ARB2A: variants seen among roughly 807,000 people sequenced by gnomAD.
ARB2A encodes the protein ARB2 cotranscriptional regulator A.
chr5:94,056,664 T>G, the ARB2A span, among the ~76,000 whole-genome samples: 1 of 152,140 alleles, frequency 6.6e-6, no homozygotes, highest in African/African-American at 2.4e-5. Flanking sequence ...ATAAAACAAC[T>G]GTATAAAAAT....
the ARB2A span, among the ~76,000 whole-genome samples, chr5:93,950,363 T>C: frequency 4.6e-5 from 7 of 152,192 alleles, no homozygotes; most frequent in African/African-American, 1.7e-4. Context: ...TTTCTCCACA[T>C]CCTCACCAGC....
At chr5:93,623,473 C>T in the ARB2A span, among the ~76,000 whole-genome samples, 2 of 152,272 alleles carry the variant, frequency 1.3e-5, no homozygotes, top group South Asian at 2.1e-4. Flanking sequence ...AAGGAGTCAA[C>T]GGTCTGAAGC....
chr5:93,721,817 T>C, the ARB2A span, among the ~76,000 whole-genome samples: 29 of 152,228 alleles, frequency 1.9e-4, no homozygotes, highest in African/African-American at 5.1e-4. Context: ...CCACAATAAA[T>C]AGATAATATG....
At chr5:93,724,177 C>A in the ARB2A span, among the ~76,000 whole-genome samples, 1 of 151,142 alleles carries the variant, frequency 6.6e-6, no homozygotes, top group African/African-American at 2.4e-5. Context: ...GAGTTGTTAA[C>A]CTAAGGGTGC....
At chr5:93,838,025 C>T in the ARB2A span, among the ~76,000 whole-genome samples, 18 of 152,210 alleles carry the variant, frequency 1.2e-4, no homozygotes, top group Non-Finnish European at 1.9e-4. Context: ...TCCCACTTGT[C>T]AATTTTTGCT....
At chr5:93,846,054 G>C in the ARB2A span, among the ~76,000 whole-genome samples, 1 of 151,190 alleles carries the variant, frequency 6.6e-6, no homozygotes, top group Admixed American at 6.6e-5. Context: ...CAACCAGACA[G>C]TGCTACTTAA....
chr5:93,997,764 T>G, the ARB2A span, among the ~76,000 whole-genome samples: 1 of 152,028 alleles, frequency 6.6e-6, no homozygotes, highest in African/African-American at 2.4e-5. Flanking sequence ...CTTTCTGCAC[T>G]GTAAACATCT....
At chr5:94,046,382 G>C in the ARB2A span, among the ~76,000 whole-genome samples, 1 of 151,794 alleles carries the variant, frequency 6.6e-6, no homozygotes, top group Admixed American at 6.6e-5. Context: ...AGAGTTGACA[G>C]TAGATTTGCA....
the ARB2A span, among the ~76,000 whole-genome samples, chr5:93,719,337 G>A: frequency 1.3e-5 from 2 of 152,022 alleles, no homozygotes; most frequent in African/African-American, 2.4e-5. Flanking sequence ...TCTTAGAGCT[G>A]GAAAGTATAG....
the ARB2A span, among the ~76,000 whole-genome samples, chr5:94,091,046 T>C: frequency 7.2e-5 from 11 of 152,254 alleles, no homozygotes; most frequent in South Asian, 2.1e-4. Flanking sequence ...TTATTAAGGG[T>C]TGACCTGACT....
the ARB2A span, among the ~76,000 whole-genome samples, chr5:93,881,970 T>C: frequency 6.6e-6 from 1 of 151,290 alleles, no homozygotes; most frequent in African/African-American, 2.4e-5. Context: ...AATTCAGATA[T>C]CTCAGAACCC....
chr5:93,767,095 C>T, the ARB2A span, among the ~76,000 whole-genome samples: 4 of 151,806 alleles, frequency 2.6e-5, no homozygotes, highest in Admixed American at 1.3e-4. Context: ...TGTTAAATGA[C>T]GAGTTACTGG....
chr5:93,994,209 G>A, the ARB2A span, among the ~76,000 whole-genome samples: 1 of 152,164 alleles, frequency 6.6e-6, no homozygotes, highest in Non-Finnish European at 1.5e-5. Flanking sequence ...AGAGACATCT[G>A]CACTCCCATG....
chr5:93,803,626 T>C, the ARB2A span, among the ~76,000 whole-genome samples: 1 of 151,554 alleles, frequency 6.6e-6, no homozygotes, highest in African/African-American at 2.4e-5. Context: ...GCTTAAGACC[T>C]TGTGATGAAA....
At chr5:93,916,223 T>C in the ARB2A span, among the ~76,000 whole-genome samples, 2 of 152,094 alleles carry the variant, frequency 1.3e-5, no homozygotes, top group Non-Finnish European at 2.9e-5. Context: ...TGATAGCACA[T>C]AAGCATGAAA....
At chr5:93,665,854 C>A in the ARB2A span, among the ~76,000 whole-genome samples, 1 of 152,122 alleles carries the variant, frequency 6.6e-6, no homozygotes, top group Non-Finnish European at 1.5e-5. Flanking sequence ...CAAATAAAGG[C>A]CAAATGATAA....
chr5:93,633,214 C>A, the ARB2A span, among the ~76,000 whole-genome samples: 1 of 152,290 alleles, frequency 6.6e-6, no homozygotes, highest in Non-Finnish European at 1.5e-5. Context: ...TTCTTCCTTT[C>A]CATTCCCTCT....
At chr5:93,996,888 A>C in the ARB2A span, among the ~76,000 whole-genome samples, 1 of 152,060 alleles carries the variant, frequency 6.6e-6, no homozygotes, top group East Asian at 1.9e-4. Flanking sequence ...CCATTGCTTA[A>C]TGTGAAGTGT....
the ARB2A span, among the ~76,000 whole-genome samples, chr5:93,806,791 T>C: frequency 5.9e-5 from 9 of 152,090 alleles, no homozygotes; most frequent in East Asian, 1.9e-4. Context: ...ACACCAGTGA[T>C]ACCACTGAGT....
Sources: gnomAD v4.1 joint callset for allele counts (sites outside exome capture counted in the v4.1 genomes callset) on GRCh38, gnomAD v4.1.1 for gene constraint, MANE v1.5 for transcripts, NCBI Gene and HGNC (gene_info 2026-07-23, HGNC 2026-07-21) for gene names.